Variants in TSGA10 observed in about 807,000 individuals in gnomAD.
TSGA10 encodes testis specific 10.
In TSGA10, 43 loss-of-function variants were observed where a neutral mutation model predicts 96.6. The ratio of observed to expected loss-of-function variants is 0.44; its 90% CI spans 0.35 to 0.57. The LOEUF is 0.57. Ranked by LOEUF, TSGA10 falls within the 20% of genes least tolerant of loss-of-function variation. The pLI is 0.01. For missense variants in TSGA10, 703 were observed against 834.4 expected, an observed-to-expected ratio of 0.84 and a Z score of 1.94; for synonymous variants, 229 against 269.9, an observed-to-expected ratio of 0.85 and a Z score of 1.48.
chr2:99,078,271 G>GAAAAA (rs200891345), intron 12 of TSGA10, among the ~76,000 whole-genome samples: 1 of 81,468 alleles, frequency 1.2e-5, no homozygotes, highest in Non-Finnish European at 2.5e-5. Context: ...ACTCCCGTTT[G>GAAAAA]AAAAAAAAAA....
At chr2:99,110,668 CAA>C (rs1218868176) in intron 5 of TSGA10, among the ~76,000 whole-genome samples, 180 bp downstream of exon 5, 1 of 151,566 alleles carries the variant, frequency 6.6e-6, no homozygotes, top group African/African-American at 2.4e-5. Context: ...ATGAAAGCAG[CAA>C]AAAAAAGTCA....
At chr2:99,056,933 A>T (rs1421748028) in intron 16 of TSGA10, among the ~76,000 whole-genome samples, 4 of 152,020 alleles carry the variant, frequency 2.6e-5, no homozygotes, top group African/African-American at 9.7e-5. Context: ...ATGAAAGTCA[A>T]TTAATGTAAT....
intron 17 of TSGA10, among the ~76,000 whole-genome samples, chr2:99,031,320 T>TATG (rs1491102059): frequency 1.2e-4 from 16 of 135,280 alleles, no homozygotes; most frequent in African/African-American, 4.3e-4. Context: ...AAAGAACCTC[T>TATG]ATGTCAACCT....
intron 13 of TSGA10, 33 bp downstream of exon 13, chr2:99,072,985 A>C (rs372358932): frequency 8.5e-4 from 1,225 of 1,448,536 alleles, no homozygotes; most frequent in Non-Finnish European, 1.0e-3. Context: ...CCCCCCAGTA[A>C]GAGCTCATAT....
chr2:99,049,623 T>A (rs998682291), intron 16 of TSGA10, among the ~76,000 whole-genome samples: 11 of 151,630 alleles, frequency 7.3e-5, no homozygotes, highest in Non-Finnish European at 1.6e-4. Context: ...GAGAAATACC[T>A]AATGTAGGTG....
intron 16 of TSGA10, among the ~76,000 whole-genome samples, chr2:99,053,061 C>T (rs1456379755): frequency 6.6e-6 from 1 of 151,188 alleles, no homozygotes; most frequent in African/African-American, 2.4e-5. Flanking sequence ...GACCCTGTCT[C>T]AAAGATTAAA....
intron 16 of TSGA10, among the ~76,000 whole-genome samples, chr2:99,051,076 T>C (rs2083347313): frequency 6.6e-6 from 1 of 152,164 alleles, no homozygotes; most frequent in African/African-American, 2.4e-5. Flanking sequence ...CACTCTATGA[T>C]GTTCACACAA....
intron 16 of TSGA10, among the ~76,000 whole-genome samples, chr2:99,044,233 C>G (rs775923694): frequency 2.0e-5 from 3 of 151,064 alleles, no homozygotes; most frequent in Non-Finnish European, 4.4e-5. Context: ...CACAGACTGG[C>G]AAATTGGATA....
At chr2:99,080,369 T>C (rs1034620367) in intron 11 of TSGA10, among the ~76,000 whole-genome samples, 2 of 152,210 alleles carry the variant, frequency 1.3e-5, no homozygotes, top group Non-Finnish European at 2.9e-5. Context: ...CACTCACTTC[T>C]GGGTCTTCTT....
chr2:99,110,915 T>C lies in TSGA10; in HGVS notation c.-139A>G. On this transcript the variant is annotated splice_region_variant and 5_prime_UTR_variant, in exon 5 of 21. Transcript: ENST00000393483. ...TTATTTTGCTGGCAAATGAGATCAA[T>C]CTGAAGAAAAAGTAAAAAAAAAAAA... The C allele has an allele frequency of 1.4e-6, 1 of 718,970 alleles. No individual in the cohort carries two copies. Among genetic ancestry groups the C allele is most frequent in the Non-Finnish European group, 1.7e-6 (1 of 594,776 alleles). 44.5% of individuals were successfully genotyped at this position (718,970 alleles called of 1,614,324 possible). A position where few individuals can be genotyped will look rare whatever the true frequency, so the allele number is the denominator to read the frequency against.
intron 9 of TSGA10, 118 bp downstream of exon 9, chr2:99,105,241 G>T: frequency 1.3e-6 from 1 of 767,764 alleles, no homozygotes; most frequent in Non-Finnish European, 2.0e-6. Flanking sequence ...AGTATTTTAG[G>T]ACTATAAACA....
At chr2:99,070,166 CA>C (rs1427592253) in intron 14 of TSGA10, among the ~76,000 whole-genome samples, 1 of 152,038 alleles carries the variant, frequency 6.6e-6, no homozygotes, top group Non-Finnish European at 1.5e-5. Flanking sequence ...AAAGTTTGAA[CA>C]AGGCAGGAAA....
intron 16 of TSGA10, among the ~76,000 whole-genome samples, chr2:99,037,395 C>T (rs1166081916): frequency 3.3e-5 from 5 of 152,008 alleles, no homozygotes; most frequent in African/African-American, 1.2e-4. Context: ...TTCTAAATAA[C>T]ACATAGGTCA....
intron 10 of TSGA10, among the ~76,000 whole-genome samples, chr2:99,087,032 G>A (rs568536433): frequency 5.4e-4 from 82 of 151,880 alleles, no homozygotes; most frequent in East Asian, 1.2e-3. Context: ...GTGAAACCCC[G>A]TCTCTACTAA....
chr2:99,065,714 A>G (rs374678311), intron 15 of TSGA10, among the ~76,000 whole-genome samples: 104 of 152,332 alleles, frequency 6.8e-4, no homozygotes, highest in African/African-American at 2.5e-3. Flanking sequence ...CTGCCAGTCT[A>G]GTAACTTTCC....
At chr2:99,096,371 G>A (rs2090037987) in intron 10 of TSGA10, among the ~76,000 whole-genome samples, 1 of 152,206 alleles carries the variant, frequency 6.6e-6, no homozygotes, top group Non-Finnish European at 1.5e-5. Flanking sequence ...TCAATGGCAT[G>A]AAACATCTCG....
At chr2:99,127,771 CCTTACGTA>C (rs974149915) in intron 1 of TSGA10, among the ~76,000 whole-genome samples, 4 of 152,072 alleles carry the variant, frequency 2.6e-5, no homozygotes, top group Non-Finnish European at 5.9e-5. Context: ...GATATAGCGT[CCTTACGTA>C]TCACCGGTGG....
At chr2:99,063,308 T>A (rs2084901737) in intron 16 of TSGA10, among the ~76,000 whole-genome samples, 1 of 152,146 alleles carries the variant, frequency 6.6e-6, no homozygotes, top group South Asian at 2.1e-4. Context: ...TCTCTGGCCT[T>A]GGGATTGTAT....
At chr2:99,140,712 C>CG (rs2093503657) in intron 1 of TSGA10, among the ~76,000 whole-genome samples, 1 of 152,160 alleles carries the variant, frequency 6.6e-6, no homozygotes, top group Non-Finnish European at 1.5e-5. Flanking sequence ...AATGAGCGAT[C>CG]GGGAGTCAGG....
Sources: gnomAD v4.1 joint callset for allele counts (sites outside exome capture counted in the v4.1 genomes callset) on GRCh38, gnomAD v4.1.1 for gene constraint, MANE v1.5 for transcripts, NCBI Gene and HGNC (gene_info 2026-07-23, HGNC 2026-07-21) for gene names.